Variants in TENM2 observed in about 807,000 individuals in gnomAD.
TENM2 encodes the protein teneurin-2.
TENM2 carries 52 observed loss-of-function variants against 245.2 expected under a neutral mutation model. That is an observed-to-expected ratio of 0.21 (90% CI 0.17 to 0.27). TENM2 has a LOEUF of 0.27. Ranked by LOEUF, TENM2 falls within the 10% of genes least tolerant of loss-of-function variation. The probability of loss-of-function intolerance (pLI) is 1.00; values close to 1 mark genes in which losing one functional copy is unlikely to be tolerated. For synonymous variants in TENM2, 1,363 were observed against 1,438.9 expected, an observed-to-expected ratio of 0.95 and a Z score of 1.19; for missense variants, 3,046 against 3,666.8, an observed-to-expected ratio of 0.83 and a Z score of 4.37.
chr5:167,059,677 C>CAAATGCTTATTTGATACTTT, the TENM2 span, among the ~76,000 whole-genome samples: 1 of 151,516 alleles, frequency 6.6e-6, no homozygotes, highest in African/African-American at 2.4e-5. Context: ...TTTGATACTT[C>CAAATGCTTATTTGATACTTT]AAATGCTTAT....
At chr5:167,735,969 C>A (rs1430857017) in intron 2 of TENM2, among the ~76,000 whole-genome samples, 1 of 152,196 alleles carries the variant, frequency 6.6e-6, no homozygotes, top group East Asian at 1.9e-4. Flanking sequence ...AAGTTTTACA[C>A]ATTCGATGAA....
At chr5:167,344,735 C>T (rs1481829530) in intron 1 of TENM2, among the ~76,000 whole-genome samples, 6 of 152,108 alleles carry the variant, frequency 3.9e-5, no homozygotes, top group Non-Finnish European at 7.4e-5. Context: ...CAGGGAAAGA[C>T]ACCATGGAAG....
At chr5:167,600,761 T>C (rs1390308625) in intron 2 of TENM2, among the ~76,000 whole-genome samples, 1 of 152,232 alleles carries the variant, frequency 6.6e-6, no homozygotes, top group African/African-American at 2.4e-5. Context: ...CCTCAACTGA[T>C]ACAGTTAGGG....
At chr5:167,138,249 A>C in the TENM2 span, among the ~76,000 whole-genome samples, 3 of 152,268 alleles carry the variant, frequency 2.0e-5, no homozygotes, top group Non-Finnish European at 2.9e-5. Flanking sequence ...TAGATAAAAT[A>C]GCATATCTTT....
chr5:167,130,386 A>T, the TENM2 span, among the ~76,000 whole-genome samples: 1 of 152,182 alleles, frequency 6.6e-6, no homozygotes, highest in Non-Finnish European at 1.5e-5. Flanking sequence ...GCCTACTTCT[A>T]AGCGCTTTTA....
At chr5:167,517,183 C>T (rs926769849) in intron 2 of TENM2, among the ~76,000 whole-genome samples, 21 of 152,186 alleles carry the variant, frequency 1.4e-4, no homozygotes, top group Non-Finnish European at 8.8e-5. Context: ...TGCATTATTA[C>T]TTTCCCTATT....
intron 2 of TENM2, among the ~76,000 whole-genome samples, chr5:167,586,491 C>T (rs1201310807): frequency 6.6e-6 from 1 of 152,166 alleles, no homozygotes; most frequent in African/African-American, 2.4e-5. Flanking sequence ...ACATATCCTC[C>T]TTCCTTTAAT....
At chr5:167,664,772 A>G (rs1409749533) in intron 2 of TENM2, among the ~76,000 whole-genome samples, 1 of 152,210 alleles carries the variant, frequency 6.6e-6, no homozygotes, top group Non-Finnish European at 1.5e-5. Flanking sequence ...AGTAGTACCA[A>G]GGGACATTGG....
chr5:167,946,403 G>T (rs187550440), intron 3 of TENM2, among the ~76,000 whole-genome samples: 2 of 152,164 alleles, frequency 1.3e-5, no homozygotes, highest in African/African-American at 2.4e-5. Flanking sequence ...TTTGGGGAGG[G>T]CCTTTGGGAA....
chr5:168,196,084 C>T (rs17731087), intron 15 of TENM2, among the ~76,000 whole-genome samples: 12,390 of 152,092 alleles, frequency 0.081, 753 homozygotes, highest in East Asian at 0.32. Flanking sequence ...ACTGTGGCTA[C>T]CAATCTGATC....
chr5:167,148,257 CA>C, the TENM2 span, among the ~76,000 whole-genome samples: 2 of 152,014 alleles, frequency 1.3e-5, no homozygotes, highest in African/African-American at 4.8e-5. Context: ...ATTAATGTGT[CA>C]AAAAAGAAAA....
the TENM2 span, among the ~76,000 whole-genome samples, chr5:167,191,107 C>A: frequency 6.6e-6 from 1 of 151,664 alleles, no homozygotes; most frequent in African/African-American, 2.4e-5. Context: ...TATATTCATG[C>A]CTGTCAGGAA....
chr5:168,247,653 C>T lies in TENM2; in HGVS notation c.6714C>T (p.Gly2238=), dbSNP rs1253814236. 4 of 1,613,758 alleles carry T rather than the reference C, an allele frequency of 2.5e-6. No homozygotes were observed. The South Asian group carries it at 4.4e-5, about 18-fold the overall frequency. The change falls in exon 27 of 29, where the codon GGC becomes GGT. Residue 2238 remains glycine, a synonymous_variant. Transcript: ENST00000518659. The surrounding 1 kb of genome is among the most constrained non-coding windows in gnomAD (Gnocchi z 7.8). Reference sequence around the variant, plus strand: ...GGAATCTCCACTTACTGAACCCAGGCAACAGTGTGCGCCTCATGCCCTTGC... The same window carrying T: ...GGAATCTCCACTTACTGAACCCAGGTAACAGTGTGCGCCTCATGCCCTTGC...
intron 2 of TENM2, among the ~76,000 whole-genome samples, chr5:167,437,076 C>A (rs1764605860): frequency 6.6e-6 from 1 of 152,268 alleles, no homozygotes; most frequent in East Asian, 1.9e-4. Flanking sequence ...ATCCTCCAGA[C>A]CCCAGAATGG....
At chr5:167,705,325 A>T (rs1381210529) in intron 2 of TENM2, among the ~76,000 whole-genome samples, 1 of 152,190 alleles carries the variant, frequency 6.6e-6, no homozygotes, top group Admixed American at 6.5e-5. Flanking sequence ...AAGGAAACAA[A>T]ATAATTATCA....
chr5:167,957,268 G>A (rs1360635506), intron 4 of TENM2, among the ~76,000 whole-genome samples: 2 of 152,164 alleles, frequency 1.3e-5, no homozygotes, highest in African/African-American at 4.8e-5. Flanking sequence ...GCATAGAGAT[G>A]TTTATAGTAT....
intron 7 of TENM2, among the ~76,000 whole-genome samples, chr5:168,083,204 C>T (rs1408142144): frequency 6.6e-6 from 1 of 152,192 alleles, no homozygotes; most frequent in Non-Finnish European, 1.5e-5. Flanking sequence ...TATCAGACTG[C>T]TGTGCCAGCA....
At position 168,238,263 on chromosome 5, in the gene TENM2, A is replaced by AGAAAAGAAAAGAAAGGAAAG. The variant is rs1562321228; in HGVS notation, c.5521-6143_5521-6142insGGAAAGGAAAAGAAAAGAAA. Among the ~76,000 whole-genome samples the AGAAAAGAAAAGAAAGGAAAG allele has an allele frequency of 2.9e-5, 4 of 139,100 alleles. 1 individual carries two copies. The highest frequency in any genetic ancestry group is 9.4e-5 in the African/African-American group (3 of 31,940). The allele number at this position is 139,100 out of a possible 152,430, so 91.3% of individuals were successfully genotyped here. A position where few individuals can be genotyped will look rare whatever the true frequency, so the allele number is the denominator to read the frequency against. On this transcript the variant is annotated intron_variant, in intron 25 of 28. Transcript: ENST00000518659. Reference sequence around the variant, plus strand: ...AGAAAAGAAAAGAAAAGAAAAGAAAAGAAAAGAAAAGAAAAGAAAAGAAAA... The same window carrying AGAAAAGAAAAGAAAGGAAAG: ...AGAAAAGAAAAGAAAAGAAAAGAAAAGAAAAGAAAAGAAAGGAAAGGAAAAGAAAAGAAAAGAAAAGAAAA...
chr5:167,131,110 G>T, the TENM2 span, among the ~76,000 whole-genome samples: 1 of 151,952 alleles, frequency 6.6e-6, no homozygotes, highest in African/African-American at 2.4e-5. Context: ...GGCACACAAC[G>T]AAACGCTTCC....
Sources: allele counts gnomAD v4.1 joint callset (sites outside exome capture counted in the v4.1 genomes callset), GRCh38; gene constraint gnomAD v4.1.1; non-coding constraint Gnocchi (gnomAD v3.1); transcripts MANE v1.5; gene names NCBI Gene and HGNC (gene_info 2026-07-23, HGNC 2026-07-21).